Variants in ERICH1 observed in about 807,000 individuals in gnomAD.
The protein encoded by ERICH1 is glutamate rich 1, also known as glutamate-rich protein 1.
Under a neutral mutation model 39.6 loss-of-function variants are expected in ERICH1, and 56 were observed. The observed-to-expected ratio is 1.41, with a 90% CI of 1.14 to 1.77. The LOEUF is 1.77. ERICH1 is among the 40% of genes most tolerant of loss of function. The pLI is 0.00. For synonymous variants in ERICH1, 313 were observed against 223.6 expected, an observed-to-expected ratio of 1.40 and a Z score of -3.57; for missense variants, 826 against 575.4, an observed-to-expected ratio of 1.44 and a Z score of -4.45.
At chr8:694,318 C>G (rs192121218) in intron 2 of ERICH1, among the ~76,000 whole-genome samples, 17 of 152,372 alleles carry the variant, frequency 1.1e-4, no homozygotes, top group Admixed American at 9.8e-4. Context: ...TCTAAGTACA[C>G]TGTCCCCTAC....
At chr8:672,035 T>C (rs1162351541) in intron 4 of ERICH1, 1 of 153,084 alleles carries the variant, frequency 6.5e-6, no homozygotes, top group Non-Finnish European at 1.5e-5. Context: ...ACTTGCAGAT[T>C]CCTGAAGACA....
intron 3 of ERICH1, among the ~76,000 whole-genome samples, chr8:620,731 C>A (rs948927221): frequency 6.6e-6 from 1 of 152,088 alleles, no homozygotes; most frequent in African/African-American, 2.4e-5. Context: ...TAAATGTTAA[C>A]ATAACAATTA....
intron 3 of ERICH1, among the ~76,000 whole-genome samples, chr8:679,165 C>G (rs1262877133): frequency 5.7e-4 from 86 of 150,118 alleles, no homozygotes; most frequent in Non-Finnish European, 1.2e-3. Context: ...TCACAGCTCC[C>G]ACCCCTCACA....
intron 3 of ERICH1, among the ~76,000 whole-genome samples, chr8:630,126 C>G (rs1371081104): frequency 3.1e-5 from 3 of 97,300 alleles, no homozygotes; most frequent in East Asian, 4.0e-4. Context: ...AGCACCCACA[C>G]AGACAGAGCT....
chr8:693,741 C>A (rs1192933573), intron 2 of ERICH1, among the ~76,000 whole-genome samples: 3 of 151,808 alleles, frequency 2.0e-5, no homozygotes, highest in South Asian at 2.1e-4. Context: ...CTGCTGTGTG[C>A]CCCTCTGCGC....
chr8:650,644 T>C (rs1437392605), intron 3 of ERICH1, among the ~76,000 whole-genome samples: 1 of 152,150 alleles, frequency 6.6e-6, no homozygotes, highest in African/African-American at 2.4e-5. Flanking sequence ...CACCGTGCCA[T>C]AGGGCAGGAG....
chr8:682,000 C>T (rs1464992262), intron 3 of ERICH1, among the ~76,000 whole-genome samples: 1 of 152,160 alleles, frequency 6.6e-6, no homozygotes, highest in African/African-American at 2.4e-5. Flanking sequence ...TCTCCCTCAC[C>T]TTTGATGTCT....
At chr8:700,541 G>A (rs1301254612) in intron 2 of ERICH1, among the ~76,000 whole-genome samples, 20 of 141,894 alleles carry the variant, frequency 1.4e-4, no homozygotes, top group African/African-American at 5.2e-4. Context: ...CAGGCGCACA[G>A]GCCCGCACAC....
intron 3 of ERICH1, among the ~76,000 whole-genome samples, chr8:683,400 G>C (rs1041393389): frequency 6.6e-6 from 1 of 152,220 alleles, no homozygotes; most frequent in African/African-American, 2.4e-5. Context: ...CCTGTGAGAC[G>C]GGGAGCACCC....
At chr8:652,064 C>T (rs1800027488) in intron 3 of ERICH1, among the ~76,000 whole-genome samples, 2 of 152,158 alleles carry the variant, frequency 1.3e-5, no homozygotes, top group Non-Finnish European at 1.5e-5. Context: ...CGTTTGCGGG[C>T]GCTGGGGCAT....
At chr8:705,027 T>C (rs973785683) in intron 2 of ERICH1, among the ~76,000 whole-genome samples, 10 of 152,272 alleles carry the variant, frequency 6.6e-5, no homozygotes, top group African/African-American at 7.2e-5. Flanking sequence ...ACCAGTTATT[T>C]TGGTTGTTGA....
In ERICH1 at chr8:668,790, C is replaced by T. The variant is rs1206509153; in HGVS notation, c.1066G>A (p.Val356Ile). The stretch of plus-strand genomic sequence containing the variant: ...GCAGCTGAAGCTGCATCTCTGGAGA[C>T]ACCTACATAAAGTCAGTTTTGCTTG... ...STQEMYFYDG[V>I]SRDAASAALA... Residue 356 changes from valine to isoleucine, a missense_variant and splice_region_variant, in exon 5 of 6, where the codon GTC (valine) becomes ATC (isoleucine). By Grantham distance (29) the Val-to-Ile change is conservative (BLOSUM62 3). Coordinates refer to ENST00000262109, the MANE Select transcript of ERICH1 (RefSeq NM_207332.3). 6.3e-7 allele frequency: 1 copy of T among 1,592,214 alleles called. No homozygotes were observed. The highest frequency in any genetic ancestry group is 8.5e-7 in the Non-Finnish European group (1 of 1,170,110).
chr8:691,810 T>C (rs1030850533), intron 3 of ERICH1, among the ~76,000 whole-genome samples: 4 of 152,230 alleles, frequency 2.6e-5, no homozygotes, highest in Non-Finnish European at 5.9e-5. Flanking sequence ...TTAGTTTATA[T>C]TGTTACAAAT....
At chr8:706,908 G>C (rs1347060260) in intron 2 of ERICH1, among the ~76,000 whole-genome samples, 1 of 152,138 alleles carries the variant, frequency 6.6e-6, no homozygotes, top group Non-Finnish European at 1.5e-5. Flanking sequence ...GTGTTAAGAA[G>C]ACAATACTGC....
At chr8:728,142 A>G (rs1210660902) in intron 1 of ERICH1, among the ~76,000 whole-genome samples, 1 of 152,208 alleles carries the variant, frequency 6.6e-6, no homozygotes. Context: ...ATGTCCCTGA[A>G]GCACACATGG....
intron 3 of ERICH1, among the ~76,000 whole-genome samples, chr8:628,556 G>A (rs1324457461): frequency 6.6e-6 from 1 of 152,228 alleles, no homozygotes; most frequent in Non-Finnish European, 1.5e-5. Context: ...AGGGGCATGG[G>A]ACCCGAGAGG....
At chr8:688,138 C>G (rs1177577468) in intron 3 of ERICH1, among the ~76,000 whole-genome samples, 2 of 152,182 alleles carry the variant, frequency 1.3e-5, no homozygotes, top group Non-Finnish European at 2.9e-5. Flanking sequence ...GGGTCTGCAA[C>G]CCAGGCGGGG....
intron 3 of ERICH1, chr8:616,433 C>CAA: frequency 6.9e-6 from 3 of 435,548 alleles, no homozygotes; most frequent in Non-Finnish European, 9.2e-6. Flanking sequence ...CCGCACACCC[C>CAA]ATGCTCTCCT....
intron 3 of ERICH1, among the ~76,000 whole-genome samples, chr8:657,983 C>A (rs1800881149): frequency 6.6e-6 from 1 of 152,222 alleles, no homozygotes; most frequent in Non-Finnish European, 1.5e-5. Flanking sequence ...GCTGGGCCCA[C>A]CAGCCCCCAA....
Sources: gnomAD v4.1 joint callset for allele counts (sites outside exome capture counted in the v4.1 genomes callset) on GRCh38, gnomAD v4.1.1 for gene constraint, MANE v1.5 for transcripts, NCBI Gene and HGNC (gene_info 2026-07-23, HGNC 2026-07-21) for gene names.